PMM1: variants seen among roughly 807,000 people sequenced by gnomAD.
The protein encoded by PMM1 is brain glucose-1,6-bisphosphatase.
In PMM1, 25 loss-of-function variants were observed where a neutral mutation model predicts 34.0. The ratio of observed to expected loss-of-function variants is 0.73; its 90% confidence interval spans 0.54 to 1.03. The LOEUF is 1.03. PMM1 is among the 50% of genes least tolerant of loss of function. The pLI, the probability that PMM1 is intolerant of heterozygous loss-of-function variation, is 0.00. For missense variants in PMM1, 321 were observed against 350.1 expected, an observed-to-expected ratio of 0.92 and a Z score of 0.66; for synonymous variants, 134 against 143.9, an observed-to-expected ratio of 0.93 and a Z score of 0.49.
intron 5 of PMM1, among the ~76,000 whole-genome samples, chr22:41,580,987 C>T (rs1222005976): frequency 1.3e-5 from 2 of 151,752 alleles, no homozygotes; most frequent in Non-Finnish European, 2.9e-5. Flanking sequence ...TGGTGGCAGG[C>T]GCTTGTAGTC....
chr22:41,577,670 C>G lies in PMM1; in HGVS notation c.666+138G>C, dbSNP rs902324498. 5.2e-6 allele frequency: 4 copies of G among 770,410 alleles called. No homozygotes were observed. The African/African-American group carries it at 7.0e-5, about 13-fold the overall frequency. 47.7% of individuals were successfully genotyped at this position (770,410 alleles called of 1,614,324 possible). ...GGGGCTGGTGAGCAATGGTTGTTCT[C>G]CAGGAGCCCCCTAAGAGGTCTGTTG... On this transcript the variant is annotated intron_variant, in intron 7 of 7. Coordinates refer to ENST00000216259, the MANE Select transcript of PMM1 (RefSeq NM_002676.3).
chr22:41,581,672 G>C (rs1219166351), intron 5 of PMM1, among the ~76,000 whole-genome samples: 1 of 151,708 alleles, frequency 6.6e-6, no homozygotes, highest in Admixed American at 6.6e-5. Context: ...TGGGCAACAC[G>C]GTGAAACCCC....
At chr22:41,582,383 T>C (rs902818496) in intron 5 of PMM1, among the ~76,000 whole-genome samples, 2 of 152,034 alleles carry the variant, frequency 1.3e-5, no homozygotes, top group African/African-American at 4.8e-5. Context: ...CGCTTGAGCC[T>C]GAGAGATCGA....
rs1333525420 is a variant in PMM1, at chr22:41,577,243, T to C, written c.*75A>G. The C allele has an allele frequency of 1.3e-6, 2 of 1,587,388 alleles. No individual in the cohort carries two copies. The highest frequency in any genetic ancestry group is 1.7e-6 in the Non-Finnish European group (2 of 1,162,222). ...GGGCCAGAGGAGGGGCCCTGGCATC[T>C]ATCCAACACCAGGACCTCTCTTTAG... On this transcript the variant is annotated 3_prime_UTR_variant, in exon 8 of 8. Transcript: ENST00000216259.
chr22:41,589,062 C>G (rs2067346817), intron 1 of PMM1: 3 of 1,299,868 alleles, frequency 2.3e-6, no homozygotes, highest in Non-Finnish European at 3.0e-6. Context: ...CCTCACTATT[C>G]CTCAGTGTCC....
chr22:41,577,318 T>A lies in PMM1; in HGVS notation c.789A>T (p.Ter263CysextTer11). Residue 263 changes from the stop codon to cysteine, a stop_lost, in exon 8 of 8, where the codon TGA (stop) becomes TGT (cysteine). Transcript: ENST00000216259. The part of the protein sequence containing the change: ...IFFPETAHEA[*>C] ...CACGACACACAGATGTGGGCCCCGG[T>A]CACGCCTCATGAGCTGTCTCTGGGA... 1 of 1,612,902 alleles carries A rather than the reference T, an allele frequency of 6.2e-7. No homozygotes were observed. Among genetic ancestry groups the A allele is most frequent in the East Asian group, 2.2e-5 (1 of 44,878 alleles).
At chr22:41,587,488 C>G (rs1482680012) in intron 1 of PMM1, among the ~76,000 whole-genome samples, 3 of 151,386 alleles carry the variant, frequency 2.0e-5, no homozygotes, top group Non-Finnish European at 4.4e-5. Flanking sequence ...GTGGCACTTG[C>G]CTGTAGTCCC....
At chr22:41,578,069 C>G in intron 6 of PMM1, 146 bp from the exon 7 acceptor site, 1 of 625,606 alleles carries the variant, frequency 1.6e-6, no homozygotes, top group East Asian at 2.8e-5. Flanking sequence ...TTAGGATCCT[C>G]AAGGAAGTTA....
intron 3 of PMM1, 73 bp from the exon 4 acceptor site, chr22:41,584,445 C>G: frequency 7.0e-6 from 11 of 1,575,120 alleles, no homozygotes; most frequent in Non-Finnish European, 9.6e-6. Flanking sequence ...TGTCTCTCCC[C>G]CAGCCCAGGA....
At chr22:41,584,217 G>A in intron 4 of PMM1, 64 bp downstream of exon 4, 1 of 1,476,316 alleles carries the variant, frequency 6.8e-7, no homozygotes, top group Non-Finnish European at 9.5e-7. Context: ...GGTTCCCTCT[G>A]AGGGACCCAC....
At chr22:41,589,666 G>T in intron 1 of PMM1, 53 bp downstream of exon 1, 2 of 1,468,718 alleles carry the variant, frequency 1.4e-6, no homozygotes, top group Non-Finnish European at 1.9e-6. Flanking sequence ...ACTCAGCCTC[G>T]GGGGTGTCCG....
In PMM1 at chr22:41,577,040, A is replaced by C; in HGVS notation, c.*278T>G. On this transcript the variant is annotated 3_prime_UTR_variant, in exon 8 of 8. Coordinates refer to ENST00000216259, the MANE Select transcript of PMM1 (RefSeq NM_002676.3). ...GAGCACGCCTCCTCCTGGTGCAGAA[A>C]GAAACCTCTTCTGTACCGAAATACA... The C allele has an allele frequency of 2.0e-6, 1 of 499,000 alleles. No individual in the cohort carries two copies. The highest frequency in any genetic ancestry group is 3.7e-6 in the Non-Finnish European group (1 of 272,474). The allele number at this position is 499,000 out of a possible 1,614,324, so 30.9% of individuals were successfully genotyped here.
intron 6 of PMM1, among the ~76,000 whole-genome samples, chr22:41,578,425 C>G (rs1164974019): frequency 6.6e-6 from 1 of 152,042 alleles, no homozygotes; most frequent in Non-Finnish European, 1.5e-5. Flanking sequence ...CCAGTTGTGT[C>G]AGGGTCAGTT....
intron 1 of PMM1, chr22:41,588,678 T>C: frequency 2.0e-6 from 2 of 985,484 alleles, no homozygotes; most frequent in Non-Finnish European, 2.4e-6. Context: ...AGTCCTGCTA[T>C]CTTCCTCCCG....
chr22:41,585,745 G>A (rs1209334448), intron 2 of PMM1, among the ~76,000 whole-genome samples: 3 of 152,050 alleles, frequency 2.0e-5, no homozygotes, highest in Admixed American at 6.6e-5. Flanking sequence ...CATCCGCCTC[G>A]GCCTCCCAAA....
At chr22:41,588,863 C>T in intron 1 of PMM1, 1 of 984,886 alleles carries the variant, frequency 1.0e-6, no homozygotes, top group Non-Finnish European at 1.2e-6. Context: ...TTGGTTGGTC[C>T]TTGAGGCCCC....
At chr22:41,584,150 T>A in intron 4 of PMM1, 92 bp from the exon 5 acceptor site, 2 of 1,307,260 alleles carry the variant, frequency 1.5e-6, no homozygotes, top group East Asian at 4.6e-5. Flanking sequence ...TCCTAGGACT[T>A]CAAAGGGGAC....
intron 7 of PMM1, 48 bp from the exon 8 acceptor site, chr22:41,577,488 C>G (rs779628426): frequency 6.3e-7 from 1 of 1,575,364 alleles, no homozygotes; most frequent in Non-Finnish European, 8.6e-7. Context: ...TGGAGTCCCT[C>G]TCCACATTGG....
intron 3 of PMM1, 55 bp from the exon 4 acceptor site, chr22:41,584,427 A>ACTGTGCCTGTCTCAG: frequency 6.3e-7 from 1 of 1,581,104 alleles, no homozygotes; most frequent in Non-Finnish European, 8.7e-7. Flanking sequence ...ACCCTGAGAC[A>ACTGTGCCTGTCTCAG]GGCACAGTGT....
Sources: gnomAD v4.1 joint callset for allele counts (sites outside exome capture counted in the v4.1 genomes callset) on GRCh38, gnomAD v4.1.1 for gene constraint, MANE v1.5 for transcripts, NCBI Gene and HGNC (gene_info 2026-07-23, HGNC 2026-07-21) for gene names.